Variants in CEP350 observed in about 807,000 individuals in gnomAD.
The protein encoded by CEP350 is centrosome-associated protein 350.
Under a neutral mutation model 331.8 loss-of-function variants are expected in CEP350, and 126 were observed. That is an observed-to-expected ratio of 0.38 (90% CI 0.33 to 0.44). The LOEUF is 0.44. Ranked by LOEUF, CEP350 falls within the 20% of genes least tolerant of loss-of-function variation. The probability of loss-of-function intolerance (pLI) is 1.00; values close to 1 mark genes in which losing one functional copy is unlikely to be tolerated. For synonymous variants in CEP350, 1,200 were observed against 1,259.5 expected, an observed-to-expected ratio of 0.95 and a Z score of 1.00; for missense variants, 3,406 against 3,634.6, an observed-to-expected ratio of 0.94 and a Z score of 1.62.
At chr1:180,103,112 G>T (rs557589934) in intron 37 of CEP350, among the ~76,000 whole-genome samples, 126 of 152,326 alleles carry the variant, frequency 8.3e-4, no homozygotes, top group Non-Finnish European at 1.4e-3. Flanking sequence ...CCCACAGATT[G>T]GTTCCACCAG....
Position 180,020,001 on chromosome 1 carries a change from G to T in CEP350, c.2227G>T (p.Val743Phe), listed in dbSNP as rs746585831. 2.5e-6 allele frequency: 4 copies of T among 1,613,324 alleles called. No homozygotes were observed. The highest frequency in any genetic ancestry group is 3.4e-6 in the Non-Finnish European group (4 of 1,179,654). ...WMQPERLSPQ[V>F]HHSQPQPFAG... is the part of the protein sequence containing the mutation. ...GCAGCCTGAAAGATTGAGCCCACAA[G>T]TTCACCATTCTCAACCACAGCCTTT... Residue 743 changes from valine to phenylalanine, a missense_variant, in exon 12 of 38, where the codon GTT (valine) becomes TTT (phenylalanine). Transcript: ENST00000367607.
intron 27 of CEP350, chr1:180,073,996 T>TC (rs1003095320): frequency 1.9e-5 from 19 of 1,009,634 alleles, no homozygotes; most frequent in African/African-American, 6.9e-5. Flanking sequence ...TCTCTCTCTC[T>TC]TTTTTTTTAA....
At position 180,020,227 on chromosome 1, in the gene CEP350, A is replaced by G. The variant is rs202204068; in HGVS notation, c.2453A>G (p.Tyr818Cys). 779 of 1,613,922 alleles carry G rather than the reference A, an allele frequency of 4.8e-4. 2 individuals are homozygous for G. Among genetic ancestry groups the G allele is most frequent in the Non-Finnish European group, 4.1e-4 (481 of 1,179,898 alleles). Residue 818 changes from tyrosine (Y) to cysteine (C), a missense_variant, in exon 12 of 38, where the codon TAT becomes TGT. Tyr to Cys is a radical substitution (Grantham distance 194). Coordinates refer to ENST00000367607, the MANE Select transcript of CEP350 (RefSeq NM_014810.5). ...DALLKPSASQYKSKLDRIEAL... is the reference protein window; with the variant it reads ...DALLKPSASQCKSKLDRIEAL... Reference sequence around the variant, plus strand: ...TTGTTAAAACCTAGTGCCAGCCAATATAAGAGTAAACTGGATCGTATTGAA... The same window carrying G: ...TTGTTAAAACCTAGTGCCAGCCAATGTAAGAGTAAACTGGATCGTATTGAA...
chr1:180,109,309 G>A (rs1368215094), intron 37 of CEP350, among the ~76,000 whole-genome samples: 1 of 151,818 alleles, frequency 6.6e-6, no homozygotes, highest in African/African-American at 2.4e-5. Flanking sequence ...TAGTAGAAAC[G>A]GGGTTTCACC....
intron 8 of CEP350, among the ~76,000 whole-genome samples, chr1:180,009,641 A>G (rs1331111930): frequency 6.6e-6 from 1 of 152,230 alleles, no homozygotes; most frequent in Non-Finnish European, 1.5e-5. Flanking sequence ...ATAAATTACT[A>G]TCCAGTGTAT....
chr1:180,098,797 T>C, intron 36 of CEP350, 66 bp from the exon 37 acceptor site: 1 of 1,404,978 alleles, frequency 7.1e-7, no homozygotes, highest in Non-Finnish European at 9.9e-7. Flanking sequence ...GTTTACTGCA[T>C]TGTAAACACA....
chr1:180,039,052 A>G (rs975504480), intron 17 of CEP350, among the ~76,000 whole-genome samples: 3 of 149,330 alleles, frequency 2.0e-5, no homozygotes, highest in African/African-American at 2.5e-5. Flanking sequence ...TCCCGTCTCT[A>G]CTATGAATAC....
chr1:179,972,670 G>A (rs905482138), intron 1 of CEP350, among the ~76,000 whole-genome samples: 4 of 150,294 alleles, frequency 2.7e-5, no homozygotes, highest in Admixed American at 6.6e-5. Flanking sequence ...ACACCCTGCC[G>A]AAAAGAGTGT....
chr1:180,063,703 C>T (rs952997808), intron 26 of CEP350, among the ~76,000 whole-genome samples: 1 of 152,058 alleles, frequency 6.6e-6, no homozygotes, highest in Non-Finnish European at 1.5e-5. Context: ...GTCCCAGCTA[C>T]TTGCGAGGCT....
chr1:180,102,547 T>C (rs867283758), intron 37 of CEP350, among the ~76,000 whole-genome samples: 1 of 152,370 alleles, frequency 6.6e-6, no homozygotes, highest in South Asian at 2.1e-4. Flanking sequence ...TGTTACACTT[T>C]TCACCCATTA....
At chr1:180,045,367 G>C (rs1378716449) in intron 21 of CEP350, among the ~76,000 whole-genome samples, 1 of 151,956 alleles carries the variant, frequency 6.6e-6, no homozygotes, top group East Asian at 1.9e-4. Context: ...TTGAATAGCT[G>C]TCATTGGTAG....
At chr1:180,046,879 T>C (rs912746189) in intron 21 of CEP350, among the ~76,000 whole-genome samples, 1 of 152,244 alleles carries the variant, frequency 6.6e-6, no homozygotes, top group Non-Finnish European at 1.5e-5. Context: ...ATTGGTAGAA[T>C]TGGGATTCAA....
intron 8 of CEP350, among the ~76,000 whole-genome samples, chr1:180,009,202 G>GT (rs1654457573): frequency 6.6e-6 from 1 of 152,282 alleles, no homozygotes; most frequent in Admixed American, 6.5e-5. Context: ...TAGAAATGGG[G>GT]TTTTGCCATG....
rs551260713 is a variant in CEP350, at chr1:180,065,008, G to A, written c.5410-107G>A. 98 of 1,194,402 alleles carry A rather than the reference G, an allele frequency of 8.2e-5. No individual in the cohort carries two copies. In the African/African-American group the frequency reaches 1.5e-3, roughly 18 times the overall value. The allele number at this position is 1,194,402 out of a possible 1,614,324, so 74.0% of individuals were successfully genotyped here. On this transcript the variant is annotated intron_variant, in intron 26 of 37. Coordinates refer to ENST00000367607, the MANE Select transcript of CEP350 (RefSeq NM_014810.5). ...CTTTATTATCTTATTTTCAACTATT[G>A]TTATAAACATTGTATTGTGGATAAA...
intron 22 of CEP350, among the ~76,000 whole-genome samples, chr1:180,052,511 C>T (rs1057143571): frequency 1.3e-5 from 2 of 152,142 alleles, no homozygotes; most frequent in African/African-American, 4.8e-5. Flanking sequence ...ATGGCAAAGG[C>T]ACACAGGAAC....
intron 1 of CEP350, among the ~76,000 whole-genome samples, chr1:179,966,952 T>C (rs1326211203): frequency 3.3e-5 from 5 of 152,190 alleles, no homozygotes; most frequent in African/African-American, 7.2e-5. Context: ...GAAGCTTTAG[T>C]TTGGATCCCA....
At chr1:180,054,318 T>C in intron 24 of CEP350, 97 bp from the exon 25 acceptor site, 1 of 976,988 alleles carries the variant, frequency 1.0e-6, no homozygotes, top group South Asian at 1.5e-5. Context: ...AATGTTAAAT[T>C]GGTTTGTAGA....
chr1:179,994,729 C>T (rs1222716362), intron 5 of CEP350, among the ~76,000 whole-genome samples: 1 of 152,136 alleles, frequency 6.6e-6, no homozygotes, highest in Non-Finnish European at 1.5e-5. Flanking sequence ...GCTGAGATTA[C>T]AGGTGTGAGC....
intron 37 of CEP350, among the ~76,000 whole-genome samples, chr1:180,108,784 G>T (rs1419257242): frequency 6.6e-6 from 1 of 152,168 alleles, no homozygotes; most frequent in Non-Finnish European, 1.5e-5. Context: ...TTTCTTTACT[G>T]CTGGTGGGCT....
Sources: gnomAD v4.1 joint callset for allele counts (sites outside exome capture counted in the v4.1 genomes callset) on GRCh38, gnomAD v4.1.1 for gene constraint, MANE v1.5 for transcripts, NCBI Gene and HGNC (gene_info 2026-07-23, HGNC 2026-07-21) for gene names.